NYAP2: variants seen among roughly 807,000 people sequenced by gnomAD.
NYAP2 encodes the protein neuronal tyrosine-phosphorylated phosphoinositide-3-kinase adapter 2.
In NYAP2, 23 loss-of-function variants were observed where a neutral mutation model predicts 50.4. The observed-to-expected ratio is 0.46, with a 90% CI of 0.33 to 0.65. The LOEUF (loss-of-function observed/expected upper bound fraction) is 0.65. NYAP2 is among the 30% of genes least tolerant of loss of function. NYAP2 has a pLI of 0.02. For missense variants in NYAP2, 885 were observed against 861.0 expected (o/e 1.03, Z -0.35); for synonymous variants, 394 against 365.2 (o/e 1.08, Z -0.90).
At chr2:225,436,423 G>A (rs895572735) in intron 3 of NYAP2, among the ~76,000 whole-genome samples, 3 of 152,162 alleles carry the variant, frequency 2.0e-5, no homozygotes, top group African/African-American at 7.2e-5. Flanking sequence ...GTTTGTGGAA[G>A]CATCACTCTG....
At chr2:225,529,990 A>G (rs1024644745) in intron 4 of NYAP2, among the ~76,000 whole-genome samples, 19 of 152,168 alleles carry the variant, frequency 1.2e-4, no homozygotes, top group African/African-American at 4.3e-4. Context: ...TGCAGGCGTG[A>G]GCCACCGTGC....
chr2:225,607,988 C>T (rs927980062), intron 5 of NYAP2, among the ~76,000 whole-genome samples: 3 of 152,104 alleles, frequency 2.0e-5, no homozygotes, highest in African/African-American at 7.2e-5. Context: ...TTAATGAATT[C>T]TCAATATAAC....
chr2:225,528,246 G>A (rs912226249), intron 4 of NYAP2, among the ~76,000 whole-genome samples: 1 of 152,180 alleles, frequency 6.6e-6, no homozygotes, highest in African/African-American at 2.4e-5. Flanking sequence ...TCAACTCATG[G>A]AAAGTTAATG....
chr2:225,467,657 A>G (rs1202321164), intron 3 of NYAP2, among the ~76,000 whole-genome samples: 2 of 152,206 alleles, frequency 1.3e-5, no homozygotes, highest in Non-Finnish European at 2.9e-5. Flanking sequence ...CAAAGCATTG[A>G]TCAGATTACT....
At chr2:225,660,061 A>G in the NYAP2 span, among the ~76,000 whole-genome samples, 1 of 152,206 alleles carries the variant, frequency 6.6e-6, no homozygotes, top group South Asian at 2.1e-4. Context: ...AGTTCTCTGT[A>G]GACAGTGCAT....
chr2:225,510,773 A>G (rs1479043620), intron 3 of NYAP2, among the ~76,000 whole-genome samples: 1 of 141,358 alleles, frequency 7.1e-6, no homozygotes, highest in Non-Finnish European at 1.5e-5. Context: ...AGAAATGTTA[A>G]TGTGTTTGTG....
chr2:225,436,105 C>T (rs533712567), intron 3 of NYAP2, among the ~76,000 whole-genome samples: 4 of 152,288 alleles, frequency 2.6e-5, no homozygotes, highest in East Asian at 3.9e-4. Flanking sequence ...CTACACACCC[C>T]GTTTAGTCAA....
the NYAP2 span, among the ~76,000 whole-genome samples, chr2:225,691,459 GC>G: frequency 1.3e-5 from 2 of 152,004 alleles, no homozygotes; most frequent in African/African-American, 2.4e-5. Context: ...ACAAAAACAG[GC>G]AGTGGGCTGT....
intron 3 of NYAP2, among the ~76,000 whole-genome samples, chr2:225,412,281 T>TTTTTTTA (rs1695056916): frequency 7.3e-6 from 1 of 137,430 alleles, no homozygotes. Context: ...TTTTTTTTTT[T>TTTTTTTA]AACAAAAATT....
Position 225,406,186 on chromosome 2 carries a change from C to T in NYAP2, c.-17-2678C>T, listed in dbSNP as rs185478029. 4.4e-4 allele frequency among the ~76,000 whole-genome samples: 67 copies of T among 151,764 alleles called. No individual in the cohort carries two copies. In the East Asian group the frequency reaches 9.6e-3, roughly 22 times the overall value. On this transcript the variant is annotated intron_variant, in intron 2 of 6. Coordinates refer to ENST00000636099, the Ensembl canonical transcript of NYAP2. Reference sequence around the variant, plus strand: ...GAAGTTTTAGAGCTAGAGGTGCCTTCACTGGGGTTTCTAGGCCATTCTGCC... The same window carrying T: ...GAAGTTTTAGAGCTAGAGGTGCCTTTACTGGGGTTTCTAGGCCATTCTGCC...
intron 6 of NYAP2, among the ~76,000 whole-genome samples, chr2:225,631,676 T>A (rs1453804519): frequency 6.6e-6 from 1 of 152,160 alleles, no homozygotes; most frequent in Non-Finnish European, 1.5e-5. Flanking sequence ...GGGAAAAATG[T>A]TGTGTTGTTA....
At chr2:225,485,964 C>A (rs998223443) in intron 3 of NYAP2, among the ~76,000 whole-genome samples, 1 of 152,126 alleles carries the variant, frequency 6.6e-6, no homozygotes, top group Non-Finnish European at 1.5e-5. Context: ...TCATGACAGT[C>A]AGAACTATCT....
rs183552929 is a variant in NYAP2, at chr2:225,422,090, G to A, written c.221+12989G>A. 6.6e-5 allele frequency among the ~76,000 whole-genome samples: 10 copies of A among 150,470 alleles called. No homozygotes were observed. The East Asian group carries it at 2.0e-3, about 29-fold the overall frequency. On this transcript the variant is annotated intron_variant, in intron 3 of 6. Coordinates refer to ENST00000636099, the Ensembl canonical transcript of NYAP2. Reference sequence around the variant, plus strand: ...CAATATTTCTTTTCTTTTATTTTGTGTTTGTTCTGTTCAGTTTGCTAGCAA... The same window carrying A: ...CAATATTTCTTTTCTTTTATTTTGTATTTGTTCTGTTCAGTTTGCTAGCAA...
exon 7 of NYAP2, chr2:225,651,490 A>G: frequency 6.2e-7 from 1 of 1,613,994 alleles, no homozygotes; most frequent in Non-Finnish European, 8.5e-7. Context: ...TGCCTCCTCC[A>G]TCAGTCACTC....
intron 4 of NYAP2, among the ~76,000 whole-genome samples, chr2:225,542,558 A>G (rs1691495443): frequency 6.6e-6 from 1 of 152,094 alleles, no homozygotes; most frequent in Non-Finnish European, 1.5e-5. Context: ...TTCTTTTGAT[A>G]TGATATATCA....
At chr2:225,665,458 C>G in the NYAP2 span, among the ~76,000 whole-genome samples, 1 of 151,954 alleles carries the variant, frequency 6.6e-6, no homozygotes, top group Non-Finnish European at 1.5e-5. Context: ...CTGGTCTTCT[C>G]AATAGGAGTC....
At chr2:225,632,385 G>A (rs868496029) in intron 6 of NYAP2, among the ~76,000 whole-genome samples, 28 of 152,022 alleles carry the variant, frequency 1.8e-4, no homozygotes, top group Non-Finnish European at 2.2e-4. Context: ...CTGCTTCTGC[G>A]TCTATTTCTC....
chr2:225,432,885 G>A (rs999653724), intron 3 of NYAP2, among the ~76,000 whole-genome samples: 1 of 152,012 alleles, frequency 6.6e-6, no homozygotes, highest in Non-Finnish European at 1.5e-5. Context: ...ACATATTTTA[G>A]CGGTCAAGTA....
At chr2:225,614,300 A>T (rs969791545) in intron 5 of NYAP2, among the ~76,000 whole-genome samples, 1 of 152,320 alleles carries the variant, frequency 6.6e-6, no homozygotes, top group East Asian at 1.9e-4. Flanking sequence ...AACATTTTAA[A>T]ATAATCATTT....
Sources: gnomAD v4.1 joint callset for allele counts (sites outside exome capture counted in the v4.1 genomes callset) on GRCh38, gnomAD v4.1.1 for gene constraint, MANE v1.5 for transcripts, NCBI Gene and HGNC (gene_info 2026-07-23, HGNC 2026-07-21) for gene names.